The following PAN3 variants were observed in gnomAD, a reference collection of about 807,000 sequenced individuals.
The protein encoded by PAN3 is poly(A) specific ribonuclease subunit PAN3.
A neutral mutation model predicts 96.2 loss-of-function variants in PAN3; 19 were observed. The ratio of observed to expected loss-of-function variants is 0.20; its 90% CI spans 0.14 to 0.29. PAN3 has a LOEUF of 0.29. Ranked by LOEUF, PAN3 falls within the 10% of genes least tolerant of loss-of-function variation. The pLI, the probability that PAN3 is intolerant of heterozygous loss-of-function variation, is 1.00. For synonymous variants in PAN3, 433 were observed against 406.6 expected (o/e 1.06, Z -0.78); for missense variants, 882 against 1,108.1 (o/e 0.80, Z 2.90).
intron 1 of PAN3, among the ~76,000 whole-genome samples, chr13:28,153,972 T>A (rs935312036): frequency 1.3e-5 from 2 of 152,208 alleles, no homozygotes; most frequent in African/African-American, 4.8e-5. Flanking sequence ...TTTTAGGCCA[T>A]TTATTGCTTT....
chr13:28,287,862 G>T (rs1448451292), intron 17 of PAN3, 122 bp from the exon 18 acceptor site: 17 of 886,808 alleles, frequency 1.9e-5, no homozygotes, highest in Non-Finnish European at 2.8e-5. Context: ...CACTGTACCA[G>T]ACTCCCTCCC....
intron 5 of PAN3, chr13:28,215,493 C>T: frequency 1.5e-6 from 1 of 680,038 alleles, no homozygotes; most frequent in South Asian, 1.7e-5. Flanking sequence ...TTGCTGTTGA[C>T]AGCAAAAATG....
chr13:28,177,539 C>G (rs905867524), intron 3 of PAN3, among the ~76,000 whole-genome samples: 3 of 152,046 alleles, frequency 2.0e-5, no homozygotes, highest in African/African-American at 7.2e-5. Context: ...GATTATAAAC[C>G]TTTATTTACT....
chr13:28,233,052 A>T (rs1380834404), intron 6 of PAN3, among the ~76,000 whole-genome samples: 1 of 152,108 alleles, frequency 6.6e-6, no homozygotes, highest in Non-Finnish European at 1.5e-5. Flanking sequence ...CAGCATGCAG[A>T]TTGTTAAACT....
chr13:28,234,604 G>GTCT (rs1378422926), intron 6 of PAN3, among the ~76,000 whole-genome samples: 6 of 152,178 alleles, frequency 3.9e-5, no homozygotes, highest in African/African-American at 1.4e-4. Flanking sequence ...GTCCTAACTT[G>GTCT]TCTTCATACC....
chr13:28,289,848 C>T (rs1483745368), intron 18 of PAN3, among the ~76,000 whole-genome samples: 2 of 152,080 alleles, frequency 1.3e-5, no homozygotes, highest in African/African-American at 4.8e-5. Flanking sequence ...GGCCACTGCA[C>T]TCCAGTCTGG....
Position 28,266,844 on chromosome 13 carries a change from A to G in PAN3, c.1541A>G (p.Asp514Gly). ...TSCYKAVNSK[D>G]DLPYCLRRIH... Reference sequence around the variant, plus strand: ...TGCTACAAAGCTGTAAACAGCAAAGATGATCTGCCATATTGCCTTCGGAGG... The same window carrying G: ...TGCTACAAAGCTGTAAACAGCAAAGGTGATCTGCCATATTGCCTTCGGAGG... The change falls in exon 10 of 19, where the codon GAT becomes GGT. Residue 514 changes from aspartate to glycine, a missense_variant. Physicochemically the swap from Asp to Gly is moderately conservative, Grantham distance 94 (BLOSUM62 -1). This residue lies in a region of PAN3 where 364 missense variants were observed against 513.6 expected (regional missense o/e 0.71). Coordinates refer to ENST00000380958, the MANE Select transcript of PAN3 (RefSeq NM_175854.8). 1 of 1,608,114 alleles carries G rather than the reference A, an allele frequency of 6.2e-7. No individual in the cohort carries two copies. The highest frequency in any genetic ancestry group is 8.5e-7 in the Non-Finnish European group (1 of 1,177,716).
At chr13:28,280,237 G>C (rs1887358033) in intron 15 of PAN3, among the ~76,000 whole-genome samples, 175 bp from the exon 16 acceptor site, 1 of 152,176 alleles carries the variant, frequency 6.6e-6, no homozygotes, top group South Asian at 2.1e-4. Flanking sequence ...GGCTGTTACA[G>C]TTTTCCAGAG....
intron 1 of PAN3, among the ~76,000 whole-genome samples, chr13:28,141,790 GAAGGGCTGAGACTTGAAAGA>G (rs1869887132): frequency 6.6e-6 from 1 of 152,148 alleles, no homozygotes; most frequent in Admixed American, 6.6e-5. Flanking sequence ...ACAATAGGTA[GAAGGGCTGAGACTTGAAAGA>G]GGACAGGATG....
intron 5 of PAN3, among the ~76,000 whole-genome samples, chr13:28,213,716 A>G (rs1354541780): frequency 6.6e-6 from 1 of 152,046 alleles, no homozygotes; most frequent in Non-Finnish European, 1.5e-5. Flanking sequence ...AAAAAAAAAA[A>G]AAAAGGTTGG....
chr13:28,285,363 T>C (rs1213188994), intron 17 of PAN3, among the ~76,000 whole-genome samples: 1 of 152,228 alleles, frequency 6.6e-6, no homozygotes, highest in African/African-American at 2.4e-5. Context: ...TGAAGCATTG[T>C]TCCTTTTAAC....
chr13:28,278,764 A>G (rs906684800), intron 15 of PAN3, among the ~76,000 whole-genome samples: 2 of 152,150 alleles, frequency 1.3e-5, no homozygotes, highest in African/African-American at 4.8e-5. Flanking sequence ...AGCCACAGAG[A>G]TAAAATAACT....
intron 1 of PAN3, among the ~76,000 whole-genome samples, chr13:28,149,548 C>A (rs894082396): frequency 6.6e-6 from 1 of 152,098 alleles, no homozygotes; most frequent in Admixed American, 6.6e-5. Flanking sequence ...TAGAAAGTTT[C>A]ATTTGGGTAT....
intron 5 of PAN3, among the ~76,000 whole-genome samples, chr13:28,211,814 G>A (rs1880071174): frequency 6.6e-6 from 1 of 152,206 alleles, no homozygotes; most frequent in South Asian, 2.1e-4. Context: ...GTGAAGGACA[G>A]TGATCCCTGA....
intron 5 of PAN3, among the ~76,000 whole-genome samples, chr13:28,216,148 A>G (rs1422847017): frequency 6.6e-6 from 1 of 151,778 alleles, no homozygotes; most frequent in East Asian, 1.9e-4. Flanking sequence ...AAACAACTTG[A>G]CCGAAATTCT....
intron 1 of PAN3, among the ~76,000 whole-genome samples, chr13:28,166,808 C>T (rs1002962965): frequency 2.6e-5 from 4 of 152,304 alleles, no homozygotes; most frequent in Admixed American, 1.3e-4. Flanking sequence ...CTGAGCTGCA[C>T]CTGGCTGCAC....
intron 5 of PAN3, among the ~76,000 whole-genome samples, chr13:28,216,104 T>TTTAAG (rs71299899): frequency 0.4 from 60,144 of 151,164 alleles, 13,769 homozygotes; most frequent in African/African-American, 0.64. Context: ...ATGTGGTAGT[T>TTTAAG]TTACTAGTTT....
At chr13:28,289,663 C>CCT in intron 18 of PAN3, among the ~76,000 whole-genome samples, 1 of 152,100 alleles carries the variant, frequency 6.6e-6, no homozygotes, top group Non-Finnish European at 1.5e-5. Context: ...GGGCGGATCA[C>CCT]GAGGTCAGGA....
Position 28,294,100 on chromosome 13 carries a change from AC to A in PAN3, c.*1580del, listed in dbSNP as rs1198257551. 2.8e-4 allele frequency: 42 copies of A among 152,650 alleles called. No homozygotes were observed. The highest frequency in any genetic ancestry group is 2.7e-3 in the Admixed American group (42 of 15,290). The allele number at this position is 152,650 out of a possible 1,614,324, so 9.5% of individuals were successfully genotyped here. The stretch of plus-strand genomic sequence containing the variant: ...GCATCAAGAAAAAGCACCTCTCTTC[AC>A]CTGAAAGCTTTGAAGACTAGAGACA... On this transcript the variant is annotated 3_prime_UTR_variant, in exon 19 of 19. Transcript: ENST00000380958.
Sources: allele counts gnomAD v4.1 joint callset (sites outside exome capture counted in the v4.1 genomes callset), GRCh38; gene constraint gnomAD v4.1.1; regional missense constraint gnomAD v4.1.1; transcripts MANE v1.5; gene names NCBI Gene and HGNC (gene_info 2026-07-23, HGNC 2026-07-21).